Variants in TPO observed in about 807,000 individuals in gnomAD.
TPO encodes the protein thyroid peroxidase, also known as thyroid microsomal antigen.
TPO carries 78 observed loss-of-function variants against 96.9 expected under a neutral mutation model. That is an observed-to-expected ratio of 0.81 (90% CI 0.67 to 0.97). TPO has a LOEUF of 0.97. Among genes scored for constraint, TPO ranks in the 50% least tolerant of loss-of-function variants. The pLI, the probability that TPO is intolerant of heterozygous loss-of-function variation, is 0.00. For synonymous variants in TPO, 547 were observed against 538.0 expected, an observed-to-expected ratio of 1.02 and a Z score of -0.23; for missense variants, 1,252 against 1,274.8, an observed-to-expected ratio of 0.98 and a Z score of 0.27.
chr2:1,473,347 G>A (rs938432719), intron 7 of TPO, among the ~76,000 whole-genome samples: 2 of 152,166 alleles, frequency 1.3e-5, no homozygotes, highest in African/African-American at 2.4e-5. Context: ...ATAGCACTTT[G>A]TCACAGAAGA....
chr2:1,385,477 A>T (rs886468671), intron 1 of TPO, among the ~76,000 whole-genome samples: 41 of 151,404 alleles, frequency 2.7e-4, no homozygotes, highest in Non-Finnish European at 7.4e-5. Context: ...TTTCTTCTAG[A>T]TTTTCTAGTT....
chr2:1,448,596 G>A (rs1422691680), intron 5 of TPO, among the ~76,000 whole-genome samples: 1 of 152,154 alleles, frequency 6.6e-6, no homozygotes, highest in Non-Finnish European at 1.5e-5. Context: ...GCCACTCCTC[G>A]GCATCGGACC....
chr2:1,535,990 TC>T (rs376120282), intron 15 of TPO, among the ~76,000 whole-genome samples: 1 of 8,222 alleles, frequency 1.2e-4, no homozygotes, highest in Admixed American at 2.6e-3. Flanking sequence ...TCTCCCCAAA[TC>T]CCCCCCACTC....
chr2:1,405,239 A>G (rs184774060), intron 1 of TPO, among the ~76,000 whole-genome samples: 70 of 148,378 alleles, frequency 4.7e-4, no homozygotes, highest in African/African-American at 1.7e-3. Flanking sequence ...CCATTTATCC[A>G]TCCATCCATC....
At chr2:1,426,406 T>C (rs1342493459) in intron 3 of TPO, among the ~76,000 whole-genome samples, 1 of 150,564 alleles carries the variant, frequency 6.6e-6, no homozygotes, top group Non-Finnish European at 1.5e-5. Flanking sequence ...GAGATGAGTT[T>C]GATCATTTCA....
At chr2:1,528,125 C>T (rs1304460098) in intron 15 of TPO, among the ~76,000 whole-genome samples, 1 of 134,888 alleles carries the variant, frequency 7.4e-6, no homozygotes, top group Non-Finnish European at 1.5e-5. Flanking sequence ...TGCAACATTC[C>T]TCAAATCCCC....
rs1477525296 is a variant in TPO, at chr2:1,436,329, C to G, written c.427C>G (p.Pro143Ala). ...CLPYMLPPKC[P>A]NTCLANKYRP... ...CCCTTACATGCTGCCCCCAAAATGC[C>G]CAAACACTTGCCTGGCGAACAAATA... is the stretch of plus-strand genomic sequence containing the variant. The change falls in exon 5 of 17, where the codon CCA becomes GCA. Residue 143 changes from proline (P) to alanine (A), a missense_variant. Physicochemically the swap from Pro to Ala is conservative, Grantham distance 27. Transcript: ENST00000329066. 1 of 1,614,056 alleles carries G rather than the reference C, an allele frequency of 6.2e-7. No individual in the cohort carries two copies. The highest frequency in any genetic ancestry group is 8.5e-7 in the Non-Finnish European group (1 of 1,180,044).
intron 15 of TPO, among the ~76,000 whole-genome samples, chr2:1,521,770 C>A (rs1028940541): frequency 5.3e-5 from 8 of 151,958 alleles, no homozygotes; most frequent in East Asian, 1.9e-4. Context: ...CCCCAGAGGA[C>A]CTGGGGAAGG....
chr2:1,401,597 A>G (rs774653191), intron 1 of TPO, among the ~76,000 whole-genome samples: 1 of 152,090 alleles, frequency 6.6e-6, no homozygotes, highest in Non-Finnish European at 1.5e-5. Context: ...CCTCAGGACC[A>G]GACAAGCAGA....
intron 1 of TPO, among the ~76,000 whole-genome samples, chr2:1,402,591 C>T (rs1487497613): frequency 6.6e-6 from 1 of 152,000 alleles, no homozygotes; most frequent in East Asian, 1.9e-4. Context: ...CTGGGGAGGC[C>T]TCACAATCAT....
chr2:1,516,906 A>G lies in TPO; in HGVS notation c.2542A>G (p.Thr848Ala). 6.2e-7 allele frequency: 1 copy of G among 1,613,936 alleles called. No homozygotes were observed. The highest frequency in any genetic ancestry group is 1.1e-5 in the South Asian group (1 of 91,076). Reference protein sequence around the residue: ...CVDSGRLPRVTWISMSLAALL... With the variant: ...CVDSGRLPRVAWISMSLAALL... ...AGACTCCGGGAGGCTCCCTCGGGTG[A>G]CTTGGATCTCCATGTCGCTGGCTGC... The change falls in exon 15 of 17, where the codon ACT becomes GCT. Residue 848 changes from threonine (T) to alanine (A), a missense_variant. Physicochemically the swap from Thr to Ala is moderately conservative, Grantham distance 58. Transcript: ENST00000329066.
At chr2:1,527,130 T>C (rs1676749307) in intron 15 of TPO, among the ~76,000 whole-genome samples, 1 of 108,194 alleles carries the variant, frequency 9.2e-6, no homozygotes, top group South Asian at 3.4e-4. Context: ...ACCCCCACTG[T>C]GTGCAACCTC....
chr2:1,423,063 G>T lies in TPO; in HGVS notation c.113G>T (p.Arg38Leu), dbSNP rs200427779. ...ELLWGKPEES[R>L]VSSVLEESKR... ...TCCGTAGGAAAGCCTGAGGAGTCTC[G>T]TGTCTCTAGCGTCTTGGAGGAAAGC... The change falls in exon 3 of 17, where the codon CGT becomes CTT. Residue 38 changes from arginine to leucine, a missense_variant. Coordinates refer to ENST00000329066, the MANE Select transcript of TPO (RefSeq NM_001206744.2). 2 of 1,614,168 alleles carry T rather than the reference G, an allele frequency of 1.2e-6. No individual in the cohort carries two copies. Among genetic ancestry groups the T allele is most frequent in the South Asian group, 2.2e-5 (2 of 91,076 alleles).
chr2:1,524,216 C>CCCCACTGTGTGCAACCTCCTCAAATCCCA (rs1675881487), intron 15 of TPO, among the ~76,000 whole-genome samples: 1 of 136,318 alleles, frequency 7.3e-6, no homozygotes, highest in Admixed American at 7.1e-5. Context: ...CTCAAATCCA[C>CCCCACTGTGTGCAACCTCCTCAAATCCCA]CCCACTGTGT....
Position 1,402,450 on chromosome 2 carries a change from C to G in TPO, n.180+28048C>G, listed in dbSNP as rs367732239. Among the ~76,000 whole-genome samples the G allele has an allele frequency of 1.4e-4, 21 of 152,196 alleles. No homozygotes were observed. In the East Asian group the frequency reaches 3.5e-3, roughly 25 times the overall value. On this transcript the variant is annotated intron_variant and non_coding_transcript_variant, in intron 1 of 5. Coordinates refer to the TPO transcript ENST00000497517. ...AGCCAGTCTGGGAGCCAACACGGAG[C>G]CAAGGGGGGTGGGGGATTTCCTGTT...
intron 8 of TPO, among the ~76,000 whole-genome samples, chr2:1,480,605 C>CAT (rs74164518): frequency 7.2e-6 from 1 of 139,254 alleles, no homozygotes; most frequent in African/African-American, 2.6e-5. Flanking sequence ...CACACACACA[C>CAT]GAGCCAGCCA....
intron 6 of TPO, among the ~76,000 whole-genome samples, chr2:1,454,399 G>T (rs868052556): frequency 6.6e-6 from 1 of 152,206 alleles, no homozygotes; most frequent in African/African-American, 2.4e-5. Context: ...CCCAAAGAGC[G>T]CAGGTGGTGG....
Position 1,487,818 on chromosome 2 carries a change from C to T in TPO, c.1598-3C>T, listed in dbSNP as rs1204195228. 1.2e-6 allele frequency: 2 copies of T among 1,614,092 alleles called. No individual in the cohort carries two copies. Among genetic ancestry groups the T allele is most frequent in the Non-Finnish European group, 1.7e-6 (2 of 1,180,048 alleles). ...TCCTTGCCTTGTGCATGGTATTTTC[C>T]AGGTGGTTTGGACCCACTAATACGA... On this transcript the variant is annotated splice_polypyrimidine_tract_variant and splice_region_variant and intron_variant, in intron 9 of 16. Transcript: ENST00000329066.
intron 12 of TPO, 106 bp downstream of exon 12, chr2:1,496,303 GT>G: frequency 7.3e-7 from 1 of 1,364,756 alleles, no homozygotes; most frequent in East Asian, 2.5e-5. Context: ...TTAGAAAATA[GT>G]GTCAACGCCC....
Sources: gnomAD v4.1 joint callset for allele counts (sites outside exome capture counted in the v4.1 genomes callset) on GRCh38, gnomAD v4.1.1 for gene constraint, MANE v1.5 for transcripts, NCBI Gene and HGNC (gene_info 2026-07-23, HGNC 2026-07-21) for gene names.